Variants in SLC4A10 observed in about 807,000 individuals in gnomAD.
The protein encoded by SLC4A10 is solute carrier family 4 member 10.
A neutral mutation model predicts 137.7 loss-of-function variants in SLC4A10; 42 were observed. The ratio of observed to expected loss-of-function variants is 0.30; its 90% CI spans 0.24 to 0.39. The LOEUF is 0.39. Ranked by LOEUF, SLC4A10 falls within the 10% of genes least tolerant of loss-of-function variation. SLC4A10 has a pLI of 1.00. For synonymous variants in SLC4A10, 474 were observed against 464.1 expected (o/e 1.02, Z -0.27); for missense variants, 925 against 1,355.0 (o/e 0.68, Z 4.98).
intron 2 of SLC4A10, among the ~76,000 whole-genome samples, chr2:161,782,292 C>T (rs1574941610): frequency 6.6e-6 from 1 of 152,012 alleles, no homozygotes. Flanking sequence ...CCTGGGGCTA[C>T]AAGAAATACA....
intron 11 of SLC4A10, among the ~76,000 whole-genome samples, chr2:161,897,419 G>A (rs1002687876): frequency 2.0e-5 from 3 of 152,008 alleles, no homozygotes; most frequent in Admixed American, 1.3e-4. Flanking sequence ...TATTGGAAGC[G>A]GCAGATGGTC....
At chr2:161,922,841 A>G (rs1458360734) in intron 15 of SLC4A10, among the ~76,000 whole-genome samples, 3 of 152,204 alleles carry the variant, frequency 2.0e-5, no homozygotes, top group Admixed American at 6.5e-5. Context: ...TTCTGATTGT[A>G]TGTTTTGTAT....
At chr2:161,736,582 G>A (rs567904401) in intron 1 of SLC4A10, among the ~76,000 whole-genome samples, 4 of 152,092 alleles carry the variant, frequency 2.6e-5, no homozygotes, top group Non-Finnish European at 5.9e-5. Context: ...GAGCAAAGGG[G>A]GAAAAGCCCA....
At chr2:161,665,604 G>A (rs2038948244) in intron 1 of SLC4A10, among the ~76,000 whole-genome samples, 1 of 151,680 alleles carries the variant, frequency 6.6e-6, no homozygotes, top group African/African-American at 2.4e-5. Flanking sequence ...TGAATGTATA[G>A]TAGTAGACAC....
intron 10 of SLC4A10, among the ~76,000 whole-genome samples, chr2:161,888,845 G>C (rs577354685): frequency 1.3e-5 from 2 of 152,282 alleles, no homozygotes; most frequent in Admixed American, 6.5e-5. Context: ...GTGAGAGAGG[G>C]CATCCTTGTC....
chr2:161,687,765 G>C lies in SLC4A10; in HGVS notation c.48+63199G>C, dbSNP rs528961408. On this transcript the variant is annotated intron_variant, in intron 1 of 26. Transcript: ENST00000446997. ...ATGCTGCTCTCATGATAATGAGTGA[G>C]TCTCACGAGATCTCATGATTTTACA... is the stretch of plus-strand genomic sequence containing the variant. Among the ~76,000 whole-genome samples, 65 of 152,260 alleles carry C rather than the reference G, an allele frequency of 4.3e-4. 1 individual carries two copies. The South Asian group carries it at 0.013, about 31-fold the overall frequency.
At chr2:161,680,171 A>G (rs1341248624) in intron 1 of SLC4A10, among the ~76,000 whole-genome samples, 1 of 152,080 alleles carries the variant, frequency 6.6e-6, no homozygotes, top group Non-Finnish European at 1.5e-5. Flanking sequence ...CTCACAAGAG[A>G]GCTCTGTTCA....
intron 26 of SLC4A10, among the ~76,000 whole-genome samples, chr2:161,978,804 T>C (rs368566263): frequency 3.7e-4 from 57 of 152,318 alleles, no homozygotes; most frequent in African/African-American, 1.2e-3. Flanking sequence ...AGACTTTTGG[T>C]TGGTATTTTC....
chr2:161,779,811 G>T (rs1290986845), intron 2 of SLC4A10, among the ~76,000 whole-genome samples: 2 of 151,866 alleles, frequency 1.3e-5, no homozygotes, highest in Non-Finnish European at 2.9e-5. Flanking sequence ...ATTTAAAAAT[G>T]ATAGGAAAGG....
chr2:161,813,147 G>A (rs1463017464), intron 3 of SLC4A10, among the ~76,000 whole-genome samples: 1 of 151,676 alleles, frequency 6.6e-6, no homozygotes, highest in African/African-American at 2.4e-5. Flanking sequence ...TTTTCCTTTG[G>A]ACTGTCAGAT....
intron 3 of SLC4A10, among the ~76,000 whole-genome samples, chr2:161,836,593 AAAGAAAGG>A (rs72404602): frequency 0.26 from 11,984 of 46,840 alleles, 1,372 homozygotes; most frequent in East Asian, 0.54. Flanking sequence ...AGAAAGAAAG[AAAGAAAGG>A]AAGGAAGGAA....
chr2:161,625,887 C>A (rs1245546342), intron 1 of SLC4A10, among the ~76,000 whole-genome samples: 1 of 151,152 alleles, frequency 6.6e-6, no homozygotes, highest in Admixed American at 6.6e-5. Context: ...GGTAGGGGGC[C>A]GGGAGAAAGG....
intron 6 of SLC4A10, among the ~76,000 whole-genome samples, chr2:161,868,536 C>T (rs1356366457): frequency 6.6e-6 from 1 of 151,208 alleles, no homozygotes; most frequent in African/African-American, 2.4e-5. Context: ...ACATATGATC[C>T]CTACATGAAG....
intron 1 of SLC4A10, among the ~76,000 whole-genome samples, chr2:161,713,199 G>T (rs2044480560): frequency 6.6e-6 from 1 of 151,838 alleles, no homozygotes; most frequent in Non-Finnish European, 1.5e-5. Context: ...GTTGGGACCA[G>T]ATAAGTGTAG....
At position 161,942,892 on chromosome 2, in the gene SLC4A10, G is replaced by C; in HGVS notation, c.2098G>C (p.Val700Leu). 6.3e-7 allele frequency: 1 copy of C among 1,585,076 alleles called. No individual in the cohort carries two copies. The highest frequency in any genetic ancestry group is 8.6e-7 in the Non-Finnish European group (1 of 1,164,086). Residue 700 changes from valine to leucine, a missense_variant, in exon 16 of 27, where the codon GTG (valine) becomes CTG (leucine). Physicochemically the swap from Val to Leu is conservative, Grantham distance 32. Around this residue, in one of 11 missense-constraint regions of SLC4A10, gnomAD observed 91 missense variants for 95.6 expected, o/e 0.95. Transcript: ENST00000446997. ...TGACATAATTTGGGAGAACCTAACT[G>C]TGTCAGTAAGTAAAACACTGAAAAA... is the stretch of plus-strand genomic sequence containing the variant. Reference protein sequence around the residue: ...ASDIIWENLTVSECKSLHGEY... With the variant: ...ASDIIWENLTLSECKSLHGEY...
chr2:161,953,477 G>A (rs1179336997), intron 19 of SLC4A10, among the ~76,000 whole-genome samples: 4 of 151,850 alleles, frequency 2.6e-5, no homozygotes, highest in East Asian at 3.9e-4. Flanking sequence ...GCGTAGTGGC[G>A]GGCACCTGTA....
At chr2:161,634,512 C>T (rs1003300340) in intron 1 of SLC4A10, among the ~76,000 whole-genome samples, 1 of 151,758 alleles carries the variant, frequency 6.6e-6, no homozygotes, top group East Asian at 1.9e-4. Context: ...GTAAATATTT[C>T]CTGTAGCACT....
At chr2:161,921,415 G>C (rs1688109551) in intron 15 of SLC4A10, among the ~76,000 whole-genome samples, 1 of 152,124 alleles carries the variant, frequency 6.6e-6, no homozygotes, top group Non-Finnish European at 1.5e-5. Context: ...TGTGACAATA[G>C]GTTAGAAGGT....
chr2:161,698,220 G>T (rs538332555), intron 1 of SLC4A10, among the ~76,000 whole-genome samples: 27 of 152,092 alleles, frequency 1.8e-4, no homozygotes, highest in Non-Finnish European at 3.4e-4. Context: ...GAGATCATGG[G>T]GTTTTCTAAA....
Sources: allele counts gnomAD v4.1 joint callset (sites outside exome capture counted in the v4.1 genomes callset), GRCh38; gene constraint gnomAD v4.1.1; regional missense constraint gnomAD v4.1.1; transcripts MANE v1.5; gene names NCBI Gene and HGNC (gene_info 2026-07-23, HGNC 2026-07-21).